Variants in ADGRE1 observed in about 807,000 individuals in gnomAD.
The protein encoded by ADGRE1 is EGF-like module receptor 1.
ADGRE1 carries 82 observed loss-of-function variants against 102.7 expected under a neutral mutation model. The ratio of observed to expected loss-of-function variants is 0.80; its 90% CI spans 0.67 to 0.96. The LOEUF (loss-of-function observed/expected upper bound fraction) is 0.96, where lower values mean the gene tolerates loss of function less well. ADGRE1 is among the 40% of genes least tolerant of loss of function. The probability of loss-of-function intolerance (pLI) is 0.00; values close to 1 mark genes in which losing one functional copy is unlikely to be tolerated. For missense variants in ADGRE1, 1,032 were observed against 1,085.3 expected, an observed-to-expected ratio of 0.95 and a Z score of 0.69; for synonymous variants, 398 against 399.6, an observed-to-expected ratio of 1.00 and a Z score of 0.05.
intron 2 of ADGRE1, among the ~76,000 whole-genome samples, chr19:6,893,768 C>A (rs1369376169): frequency 6.6e-6 from 1 of 152,196 alleles, no homozygotes; most frequent in Non-Finnish European, 1.5e-5. Flanking sequence ...CAAATTGCCA[C>A]AAACTTGGTC....
intron 14 of ADGRE1, among the ~76,000 whole-genome samples, chr19:6,922,312 G>T (rs1414170255): frequency 6.6e-6 from 1 of 152,080 alleles, no homozygotes; most frequent in Non-Finnish European, 1.5e-5. Context: ...AAGAAGAAAT[G>T]CTGTAAGAAT....
At chr19:6,937,123 A>G in intron 18 of ADGRE1, 120 bp from the exon 19 acceptor site, 3 of 1,131,796 alleles carry the variant, frequency 2.7e-6, no homozygotes, top group Non-Finnish European at 3.8e-6. Context: ...CCCACCCTAC[A>G]TTTGTCCACA....
intron 8 of ADGRE1, 140 bp downstream of exon 8, chr19:6,904,322 T>G: frequency 2.6e-6 from 3 of 1,151,376 alleles, no homozygotes; most frequent in South Asian, 3.3e-5. Context: ...CTTCATCCAT[T>G]TACTCTTTCA....
intron 9 of ADGRE1, 61 bp from the exon 10 acceptor site, chr19:6,908,628 C>A: frequency 7.1e-7 from 1 of 1,413,338 alleles, no homozygotes; most frequent in South Asian, 1.3e-5. Flanking sequence ...AGATTACATG[C>A]TTGGGGGAAT....
intron 13 of ADGRE1, among the ~76,000 whole-genome samples, chr19:6,920,218 G>C (rs1974587000): frequency 7.9e-6 from 1 of 126,916 alleles, no homozygotes; most frequent in African/African-American, 3.5e-5. Flanking sequence ...ATCCTGCTAT[G>C]TGGTGGTTGC....
chr19:6,902,020 A>C lies in ADGRE1; in HGVS notation c.660A>C (p.Glu220Asp). Residue 220 changes from glutamate (E) to aspartate (D), a missense_variant and splice_region_variant, in exon 6 of 21, where the codon GAA becomes GAC. Coordinates refer to ENST00000312053, the MANE Select transcript of ADGRE1 (RefSeq NM_001974.5). ...LSFQGLKASC[E>D]DIDECTEMCP... ...TCCAGGGTCTCAAAGCATCGTGTGA[A>C]GGTAGGTGGGGGTGTCTTCTGAGAA... The C allele has an allele frequency of 6.2e-7, 1 of 1,614,108 alleles. No homozygotes were observed. Among genetic ancestry groups the C allele is most frequent in the South Asian group, 1.1e-5 (1 of 91,086 alleles).
chr19:6,931,032 T>C (rs543136183), intron 17 of ADGRE1, among the ~76,000 whole-genome samples: 27 of 152,218 alleles, frequency 1.8e-4, no homozygotes, highest in African/African-American at 6.5e-4. Flanking sequence ...ATTCTTTCTA[T>C]TTTTTTGTAC....
intron 6 of ADGRE1, among the ~76,000 whole-genome samples, chr19:6,903,113 A>C (rs998011345): frequency 6.6e-6 from 1 of 152,232 alleles, no homozygotes; most frequent in Non-Finnish European, 1.5e-5. Context: ...TTTTGCAGTC[A>C]TACTTATACC....
rs890711304 is a variant in ADGRE1, at chr19:6,906,356, C to T, written c.950-77C>T. The T allele has an allele frequency of 5.3e-6, 7 of 1,318,412 alleles. No individual in the cohort carries two copies. In the African/African-American group the frequency reaches 1.0e-4, roughly 19 times the overall value. The allele number at this position is 1,318,412 out of a possible 1,614,324, so 81.7% of individuals were successfully genotyped here. A position where few individuals can be genotyped will look rare whatever the true frequency, so the allele number is the denominator to read the frequency against. ...GGATTTTAAGTCGGGCACGGGAGGA[C>T]ATGAAATCAGACTTGAATTTTCATC... On this transcript the variant is annotated intron_variant, in intron 8 of 20. Transcript: ENST00000312053.
At position 6,919,685 on chromosome 19, in the gene ADGRE1, A is replaced by G. The variant is rs1289408214; in HGVS notation, c.1558A>G (p.Met520Val). The G allele has an allele frequency of 6.2e-7, 1 of 1,613,456 alleles. No homozygotes were observed. The highest frequency in any genetic ancestry group is 1.1e-5 in the South Asian group (1 of 91,044). ...KMNSRVVGGIMTGEKKDGFSD... is the reference protein window; with the variant it reads ...KMNSRVVGGIVTGEKKDGFSD... ...GAATTCTCGAGTCGTTGGGGGCATA[A>G]TGACTGGAGAGAAGAAAGACGGCTT... Residue 520 changes from methionine to valine, a missense_variant, in exon 13 of 21, where the codon ATG becomes GTG. By Grantham distance (21) the Met-to-Val change is conservative. Coordinates refer to ENST00000312053, the MANE Select transcript of ADGRE1 (RefSeq NM_001974.5).
intron 1 of ADGRE1, 57 bp from the exon 2 acceptor site, chr19:6,890,421 GTTT>G (rs57355800): frequency 0.015 from 6,842 of 446,278 alleles, no homozygotes; most frequent in Non-Finnish European, 0.017. Flanking sequence ...AGCCCAAAAG[GTTT>G]TTTTTTTTTT....
chr19:6,921,609 C>A lies in ADGRE1; in HGVS notation c.1621-104C>A, dbSNP rs1000615072. 3.8e-6 allele frequency: 5 copies of A among 1,300,572 alleles called. No individual in the cohort carries two copies. In the African/African-American group the frequency reaches 4.5e-5, roughly 12 times the overall value. 80.6% of individuals were successfully genotyped at this position (1,300,572 alleles called of 1,614,324 possible). The stretch of plus-strand genomic sequence containing the variant: ...TTTCCCCATTCCCTCAGAACATACC[C>A]TGTGTATTCTTGTTCCCAGTGACTC... On this transcript the variant is annotated intron_variant, in intron 13 of 20. Transcript: ENST00000312053.
intron 6 of ADGRE1, among the ~76,000 whole-genome samples, chr19:6,903,219 G>T (rs546280653): frequency 6.6e-6 from 1 of 152,296 alleles, no homozygotes; most frequent in Middle Eastern, 3.4e-3. Context: ...GCCATAGAAA[G>T]GGGCAGTAAC....
intron 6 of ADGRE1, among the ~76,000 whole-genome samples, chr19:6,902,479 T>C (rs569543011): frequency 1.2e-4 from 18 of 152,184 alleles, no homozygotes; most frequent in African/African-American, 4.1e-4. Context: ...CTTGCTCTGT[T>C]GCCCAGGCTG....
intron 5 of ADGRE1, chr19:6,898,049 T>C (rs777495597): frequency 7.4e-6 from 2 of 268,670 alleles, no homozygotes; most frequent in Non-Finnish European, 1.4e-5. Context: ...CCTCACAATA[T>C]GGTGGCTGGA....
intron 14 of ADGRE1, among the ~76,000 whole-genome samples, chr19:6,923,469 G>C (rs531511055): frequency 1.3e-5 from 2 of 152,276 alleles, no homozygotes; most frequent in Non-Finnish European, 2.9e-5. Flanking sequence ...TGAGGGCACA[G>C]AGCAGTTAAG....
At chr19:6,909,732 TTTTG>T (rs748881511) in intron 10 of ADGRE1, among the ~76,000 whole-genome samples, 40 of 152,080 alleles carry the variant, frequency 2.6e-4, no homozygotes, top group African/African-American at 6.3e-4. Context: ...GTTTGTTTTG[TTTTG>T]TTTGTTTGTT....
At chr19:6,900,730 C>T (rs1373438543) in intron 5 of ADGRE1, among the ~76,000 whole-genome samples, 1 of 152,154 alleles carries the variant, frequency 6.6e-6, no homozygotes, top group Non-Finnish European at 1.5e-5. Flanking sequence ...TTGAGAAAGG[C>T]AAGGAGTGGT....
intron 14 of ADGRE1, among the ~76,000 whole-genome samples, chr19:6,923,516 GT>G (rs1006145969): frequency 3.9e-5 from 6 of 151,962 alleles, no homozygotes; most frequent in African/African-American, 1.5e-4. Flanking sequence ...AAATTGGCCA[GT>G]TTTTTTCTTT....
Sources: allele counts gnomAD v4.1 joint callset (sites outside exome capture counted in the v4.1 genomes callset), GRCh38; gene constraint gnomAD v4.1.1; transcripts MANE v1.5; gene names NCBI Gene and HGNC (gene_info 2026-07-23, HGNC 2026-07-21).